CPXM2: variants seen among roughly 807,000 people sequenced by gnomAD.
CPXM2 encodes carboxypeptidase X, M14 family member 2.
Under a neutral mutation model 86.1 loss-of-function variants are expected in CPXM2, and 66 were observed. The ratio of observed to expected loss-of-function variants is 0.77; its 90% confidence interval spans 0.63 to 0.94. The LOEUF is 0.94. Among genes scored for constraint, CPXM2 ranks in the 40% least tolerant of loss-of-function variants. CPXM2 has a pLI of 0.00. For missense variants in CPXM2, 948 were observed against 1,026.3 expected (o/e 0.92, Z 1.04); for synonymous variants, 388 against 400.2 (o/e 0.97, Z 0.36).
intron 1 of CPXM2, among the ~76,000 whole-genome samples, chr10:123,881,232 T>TCTTCTCTTCCCTTCCCTTCCCTTCC (rs1945085320): frequency 1.5e-5 from 1 of 64,922 alleles, no homozygotes; most frequent in South Asian, 3.9e-4. Flanking sequence ...AGCACCCTTC[T>TCTTCTCTTCCCTTCCCTTCCCTTCC]CTTCCCTTCC....
intron 6 of CPXM2, among the ~76,000 whole-genome samples, chr10:123,789,114 G>C (rs796779099): frequency 2.0e-5 from 3 of 152,290 alleles, no homozygotes; most frequent in African/African-American, 7.2e-5. Flanking sequence ...AGAGCTGGCT[G>C]TCTGAGGCAG....
intron 2 of CPXM2, among the ~76,000 whole-genome samples, chr10:123,923,747 G>A (rs1449624590): frequency 6.6e-6 from 1 of 152,162 alleles, no homozygotes; most frequent in Non-Finnish European, 1.5e-5. Context: ...TTGAATCATA[G>A]GGGTGGTTTC....
chr10:123,827,815 T>C (rs545064956), intron 4 of CPXM2, among the ~76,000 whole-genome samples: 2 of 152,158 alleles, frequency 1.3e-5, no homozygotes, highest in Non-Finnish European at 2.9e-5. Flanking sequence ...CAAGATATTA[T>C]ATAGCTACAG....
chr10:123,756,434 G>A (rs1026022877), intron 12 of CPXM2, among the ~76,000 whole-genome samples: 35 of 152,244 alleles, frequency 2.3e-4, no homozygotes, highest in African/African-American at 7.5e-4. Flanking sequence ...GGTTCTCAGC[G>A]GAGGCAGCAG....
intron 7 of CPXM2, among the ~76,000 whole-genome samples, chr10:123,774,444 T>G (rs1049691062): frequency 4.6e-5 from 7 of 152,206 alleles, no homozygotes; most frequent in Admixed American, 4.6e-4. Context: ...GGAAAATTGG[T>G]ATTATGTAAA....
At chr10:123,912,706 T>C (rs1029520544) in intron 2 of CPXM2, among the ~76,000 whole-genome samples, 2 of 152,158 alleles carry the variant, frequency 1.3e-5, no homozygotes, top group African/African-American at 4.8e-5. Context: ...GAAAGGCACT[T>C]AGCTTTTTTC....
chr10:123,940,768 A>T (rs1334493867), upstream of CPXM2, among the ~76,000 whole-genome samples: 1 of 152,078 alleles, frequency 6.6e-6, no homozygotes, highest in Non-Finnish European at 1.5e-5. Context: ...GGGGCCCTCA[A>T]AGCCACAGGA....
At chr10:123,884,004 G>C (rs1945138657) in intron 1 of CPXM2, among the ~76,000 whole-genome samples, 1 of 152,104 alleles carries the variant, frequency 6.6e-6, no homozygotes, top group African/African-American at 2.4e-5. Flanking sequence ...GTTCTATTCT[G>C]GTCTACAGTG....
At chr10:123,899,495 T>C (rs1945364611) in intron 2 of CPXM2, among the ~76,000 whole-genome samples, 1 of 152,246 alleles carries the variant, frequency 6.6e-6, no homozygotes, top group African/African-American at 2.4e-5. Context: ...AAGATACCTA[T>C]GCTCTTGCAT....
At chr10:123,936,825 T>A (rs934166486) in intron 2 of CPXM2, among the ~76,000 whole-genome samples, 2 of 152,242 alleles carry the variant, frequency 1.3e-5, no homozygotes, top group Middle Eastern at 3.4e-3. Flanking sequence ...CCTCCTGCCT[T>A]CCTCATCTTC....
chr10:123,937,566 A>C (rs1945735306), intron 2 of CPXM2, among the ~76,000 whole-genome samples: 1 of 151,428 alleles, frequency 6.6e-6, no homozygotes, highest in African/African-American at 2.4e-5. Context: ...CTGGAATTTT[A>C]TCTCTTTGTT....
At chr10:123,812,638 G>A (rs1205579067) in intron 4 of CPXM2, among the ~76,000 whole-genome samples, 1 of 152,206 alleles carries the variant, frequency 6.6e-6, no homozygotes, top group Non-Finnish European at 1.5e-5. Flanking sequence ...AGCAGAAGGT[G>A]AGTGAGCATT....
intron 2 of CPXM2, among the ~76,000 whole-genome samples, chr10:123,930,082 C>G (rs1415895253): frequency 6.6e-6 from 1 of 152,160 alleles, no homozygotes; most frequent in Non-Finnish European, 1.5e-5. Context: ...TCCACGCAGC[C>G]ACCAGCCTGG....
At chr10:123,880,753 T>C (rs567586281) in intron 1 of CPXM2, among the ~76,000 whole-genome samples, 7 of 130,982 alleles carry the variant, frequency 5.3e-5, no homozygotes, top group East Asian at 4.5e-4. Context: ...GGCGTGAACC[T>C]GGGAGGCAGA....
chr10:123,880,656 T>C (rs7071855), intron 1 of CPXM2, among the ~76,000 whole-genome samples: 3,540 of 151,768 alleles, frequency 0.023, 83 homozygotes, highest in African/African-American at 0.057. Flanking sequence ...GGTGAAACCC[T>C]GTCTCTACTA....
chr10:123,789,423 A>G (rs1847151302), intron 6 of CPXM2, among the ~76,000 whole-genome samples: 1 of 152,230 alleles, frequency 6.6e-6, no homozygotes, highest in South Asian at 2.1e-4. Context: ...CTGCTGTGCC[A>G]ACAGCCCAGG....
intron 3 of CPXM2, among the ~76,000 whole-genome samples, chr10:123,844,940 C>T (rs1367378301): frequency 6.6e-6 from 1 of 151,854 alleles, no homozygotes; most frequent in Non-Finnish European, 1.5e-5. Context: ...CAGTGGCTCA[C>T]GTCTGTAACC....
At chr10:123,836,810 C>G (rs543078862) in intron 4 of CPXM2, among the ~76,000 whole-genome samples, 1 of 152,320 alleles carries the variant, frequency 6.6e-6, no homozygotes, top group Non-Finnish European at 1.5e-5. Flanking sequence ...AGGTGAGCCC[C>G]TGCCCCAGTT....
In CPXM2 at chr10:123,785,778, A is replaced by G. The variant is rs556858828; in HGVS notation, c.890-5523T>C. ...CTCCCGAGTAGCTGGGACTACAGGCACTCGCCACCACGCCTGGCTAAATTT... is the reference window on the plus strand; with the variant it reads ...CTCCCGAGTAGCTGGGACTACAGGCGCTCGCCACCACGCCTGGCTAAATTT... On this transcript the variant is annotated intron_variant, in intron 6 of 13. Coordinates refer to ENST00000241305, the MANE Select transcript of CPXM2 (RefSeq NM_198148.3). Among the ~76,000 whole-genome samples, 5 of 151,598 alleles carry G rather than the reference A, an allele frequency of 3.3e-5. No individual in the cohort carries two copies. The South Asian group carries it at 1.0e-3, about 32-fold the overall frequency.
Sources: allele counts gnomAD v4.1 joint callset (sites outside exome capture counted in the v4.1 genomes callset), GRCh38; gene constraint gnomAD v4.1.1; transcripts MANE v1.5; gene names NCBI Gene and HGNC (gene_info 2026-07-23, HGNC 2026-07-21).